Variants in NR5A2 observed in about 807,000 individuals in gnomAD.
The protein encoded by NR5A2 is CYP7A promoter-binding factor.
A neutral mutation model predicts 62.7 loss-of-function variants in NR5A2; 26 were observed. The observed-to-expected ratio is 0.41, with a 90% CI of 0.30 to 0.58. The LOEUF (loss-of-function observed/expected upper bound fraction) is 0.58. Among genes scored for constraint, NR5A2 ranks in the 20% least tolerant of loss-of-function variants. NR5A2 has a pLI of 0.22. For missense variants in NR5A2, 541 were observed against 669.1 expected (o/e 0.81, Z 2.11); for synonymous variants, 246 against 241.7 (o/e 1.02, Z -0.16).
chr1:200,111,207 T>A lies in NR5A2; in HGVS notation c.1116T>A (p.Asp372Glu), dbSNP rs1321023521. Residue 372 changes from aspartate to glutamate, a missense_variant, in exon 6 of 8, where the codon GAT becomes GAA. Physicochemically the swap from Asp to Glu is conservative, Grantham distance 45. This residue lies in a region of NR5A2 where 379 missense variants were observed against 442.0 expected (regional missense o/e 0.86). Transcript: ENST00000367362. Reference sequence around the variant, plus strand: ...TGTTTCTATTTCTTTTGCAGGTTGATGACCAAATGAAGCTGCTTCAGAACT... The same window carrying A: ...TGTTTCTATTTCTTTTGCAGGTTGAAGACCAAATGAAGCTGCTTCAGAACT... ...SSIFFRELKV[D>E]DQMKLLQNCW... The A allele has an allele frequency of 1.9e-6, 3 of 1,610,650 alleles. No homozygotes were observed. The African/African-American group carries it at 4.0e-5, about 22-fold the overall frequency.
chr1:200,157,540 C>T (rs981709271), intron 7 of NR5A2, among the ~76,000 whole-genome samples: 2 of 152,154 alleles, frequency 1.3e-5, no homozygotes, highest in African/African-American at 2.4e-5. Flanking sequence ...GCAAATGTTT[C>T]AAGCTCCAAA....
intron 7 of NR5A2, among the ~76,000 whole-genome samples, chr1:200,164,898 C>T (rs1365531870): frequency 5.3e-5 from 5 of 94,792 alleles, no homozygotes; most frequent in South Asian, 3.7e-4. Context: ...TTTTTTTAGA[C>T]GGAGTCTTAC....
intron 5 of NR5A2, among the ~76,000 whole-genome samples, chr1:200,089,969 A>G (rs1196875025): frequency 6.6e-6 from 1 of 152,162 alleles, no homozygotes; most frequent in Non-Finnish European, 1.5e-5. Flanking sequence ...TGACTAGTCT[A>G]AATGTAGGCC....
intron 5 of NR5A2, among the ~76,000 whole-genome samples, chr1:200,084,028 A>G (rs1664416715): frequency 6.6e-6 from 1 of 151,174 alleles, no homozygotes; most frequent in Non-Finnish European, 1.5e-5. Context: ...TAAATACCAT[A>G]GGGTAGGTCA....
chr1:200,053,230 G>GT (rs543284080), intron 5 of NR5A2, among the ~76,000 whole-genome samples: 213 of 152,226 alleles, frequency 1.4e-3, no homozygotes, highest in African/African-American at 3.8e-3. Context: ...GAGCTGCTTT[G>GT]TTTTTTTAAC....
intron 1 of NR5A2, among the ~76,000 whole-genome samples, chr1:200,028,271 C>A (rs1048938294): frequency 1.3e-5 from 2 of 151,658 alleles, no homozygotes; most frequent in East Asian, 3.9e-4. Flanking sequence ...ACAAGTTAAT[C>A]ATATTGAGTG....
In NR5A2 at chr1:200,170,828, A is replaced by G. The variant is rs988956011; in HGVS notation, c.1379-3135A>G. On this transcript the variant is annotated intron_variant, in intron 7 of 7. Coordinates refer to ENST00000367362, the MANE Select transcript of NR5A2 (RefSeq NM_205860.3). ...TATTACATGTAAAGTACAGTATTTT[A>G]TTTCAGGGAGAGATCCATTACATAT... Among the ~76,000 whole-genome samples the G allele has an allele frequency of 2.0e-5, 3 of 152,264 alleles. No individual in the cohort carries two copies. In the East Asian group the frequency reaches 5.8e-4, roughly 29 times the overall value.
intron 5 of NR5A2, among the ~76,000 whole-genome samples, chr1:200,102,346 A>G (rs1391232796): frequency 6.6e-6 from 1 of 152,240 alleles, no homozygotes; most frequent in Non-Finnish European, 1.5e-5. Context: ...ACCCTAGGTT[A>G]CAGAGTGGTT....
At chr1:200,059,768 A>G (rs146595277) in intron 5 of NR5A2, among the ~76,000 whole-genome samples, 207 of 152,320 alleles carry the variant, frequency 1.4e-3, no homozygotes, top group African/African-American at 4.9e-3. Flanking sequence ...ATAAAGAATG[A>G]TTTTGCTCTG....
intron 7 of NR5A2, among the ~76,000 whole-genome samples, chr1:200,127,431 C>T (rs965637253): frequency 6.6e-6 from 1 of 151,814 alleles, no homozygotes; most frequent in African/African-American, 2.4e-5. Context: ...AATCCTAGCA[C>T]TTTGGGAGGC....
chr1:200,161,842 C>T (rs957997503), intron 7 of NR5A2, among the ~76,000 whole-genome samples: 10 of 152,158 alleles, frequency 6.6e-5, no homozygotes, highest in Non-Finnish European at 8.8e-5. Flanking sequence ...GCACTGAATA[C>T]AAATTAGCCA....
chr1:200,156,276 TCCTC>T (rs926121598), intron 7 of NR5A2, among the ~76,000 whole-genome samples: 7 of 152,192 alleles, frequency 4.6e-5, no homozygotes, highest in African/African-American at 1.7e-4. Flanking sequence ...CAAACCTGCA[TCCTC>T]CCTCAGGGGA....
rs540246659 is a variant in NR5A2 at position 200,147,944 on chromosome 1, T to C, written c.1379-26019T>C. On this transcript the variant is annotated intron_variant, in intron 7 of 7. Coordinates refer to ENST00000367362, the MANE Select transcript of NR5A2 (RefSeq NM_205860.3). The surrounding 1 kb of genome is among the most constrained non-coding windows in gnomAD (Gnocchi z 4.9). ...TGGTGCAGCGCTTCGCCGGTGTTGG[T>C]GTTGCCCTGTGGTAGGCGATGCATC... The C allele has an allele frequency of 1.4e-5, 5 of 353,454 alleles. No homozygotes were observed. The highest frequency in any genetic ancestry group is 4.2e-5 in the Admixed American group (1 of 23,934). 21.9% of individuals were successfully genotyped at this position (353,454 alleles called of 1,614,324 possible). A position where few individuals can be genotyped will look rare whatever the true frequency, so the allele number is the denominator to read the frequency against.
intron 7 of NR5A2, among the ~76,000 whole-genome samples, chr1:200,171,432 A>G (rs1422660895): frequency 6.6e-6 from 1 of 152,206 alleles, no homozygotes; most frequent in African/African-American, 2.4e-5. Context: ...AAAGGGTGTC[A>G]GTTTGGACCA....
chr1:200,108,797 CT>C (rs1411658943), intron 5 of NR5A2, among the ~76,000 whole-genome samples: 2 of 152,180 alleles, frequency 1.3e-5, no homozygotes, highest in Non-Finnish European at 2.9e-5. Context: ...GTACACCTGG[CT>C]TTGAAATCAC....
intron 6 of NR5A2, among the ~76,000 whole-genome samples, chr1:200,120,080 G>A (rs1277326985): frequency 1.3e-5 from 2 of 151,778 alleles, no homozygotes; most frequent in Non-Finnish European, 2.9e-5. Flanking sequence ...ATGCTTTTTA[G>A]GAAACAGAAA....
chr1:200,073,820 C>T (rs929152974), intron 5 of NR5A2, among the ~76,000 whole-genome samples: 1 of 152,066 alleles, frequency 6.6e-6, no homozygotes, highest in African/African-American at 2.4e-5. Flanking sequence ...AGCAGGGATA[C>T]GAAGTCGGTT....
intron 5 of NR5A2, among the ~76,000 whole-genome samples, chr1:200,060,549 C>G (rs116315671): frequency 6.6e-6 from 1 of 152,038 alleles, no homozygotes; most frequent in African/African-American, 2.4e-5. Context: ...ATGGATCCCA[C>G]GAAGTCAATG....
chr1:200,051,618 TCA>T (rs981639304), intron 5 of NR5A2, among the ~76,000 whole-genome samples: 2 of 152,206 alleles, frequency 1.3e-5, no homozygotes, highest in African/African-American at 4.8e-5. Flanking sequence ...TTGACCCACT[TCA>T]CAGTTTGCCT....
Sources: gnomAD v4.1 joint callset for allele counts (sites outside exome capture counted in the v4.1 genomes callset) on GRCh38, gnomAD v4.1.1 for gene constraint, gnomAD v4.1.1 regional missense constraint, Gnocchi (gnomAD v3.1) non-coding constraint, MANE v1.5 for transcripts, NCBI Gene and HGNC (gene_info 2026-07-23, HGNC 2026-07-21) for gene names.